The following ATP11A variants were observed in gnomAD, a reference collection of about 807,000 sequenced individuals.
The protein encoded by ATP11A is ATPase phospholipid transporting 11A, also known as phospholipid-transporting ATPase IH.
In ATP11A, 81 loss-of-function variants were observed where a neutral mutation model predicts 154.4. The ratio of observed to expected loss-of-function variants is 0.52; its 90% CI spans 0.44 to 0.63. The LOEUF (loss-of-function observed/expected upper bound fraction) is 0.63, where lower values mean the gene tolerates loss of function less well. Among genes scored for constraint, ATP11A ranks in the 30% least tolerant of loss-of-function variants. The probability of loss-of-function intolerance (pLI) is 0.00; values close to 1 mark genes in which losing one functional copy is unlikely to be tolerated. For missense variants in ATP11A, 1,316 were observed against 1,474.3 expected (o/e 0.89, Z 1.76); for synonymous variants, 623 against 585.9 (o/e 1.06, Z -0.91).
In ATP11A at chr13:112,883,122, C is replaced by CATCCCCACGTCCTCTCGT; in HGVS notation, c.*1256_*1257insATCCCCACGTCCTCTCGT. 1 of 3,546 alleles carries CATCCCCACGTCCTCTCGT rather than the reference C, an allele frequency of 2.8e-4. No homozygotes were observed. Among genetic ancestry groups the CATCCCCACGTCCTCTCGT allele is most frequent in the Non-Finnish European group, 1.4e-3 (1 of 692 alleles). 0.2% of individuals were successfully genotyped at this position (3,546 alleles called of 1,614,324 possible). ...ACCTCGTCCCCACGTCCCCTCGTCT[C>CATCCCCACGTCCTCTCGT]CTCATCCCCACGTCCTCTCGTCCCC... is the stretch of plus-strand genomic sequence containing the variant. On this transcript the variant is annotated 3_prime_UTR_variant, in exon 30 of 30. Transcript: ENST00000375645.
intron 11 of ATP11A, among the ~76,000 whole-genome samples, chr13:112,826,057 A>G (rs566966858): frequency 6.7e-6 from 1 of 150,356 alleles, no homozygotes; most frequent in Admixed American, 6.6e-5. Flanking sequence ...ACCCAGACCC[A>G]TATCCACTGA....
chr13:112,693,162 A>G (rs985936134), intron 1 of ATP11A, among the ~76,000 whole-genome samples: 2 of 152,232 alleles, frequency 1.3e-5, no homozygotes, highest in African/African-American at 4.8e-5. Context: ...AGGCCAGGGT[A>G]GCCAGGTACT....
At chr13:112,694,572 C>T (rs1419866052) in intron 1 of ATP11A, among the ~76,000 whole-genome samples, 1 of 152,194 alleles carries the variant, frequency 6.6e-6, no homozygotes, top group East Asian at 1.9e-4. Context: ...GCTTCCCTCC[C>T]TCTTCCCTTC....
At chr13:112,699,322 T>A (rs1039220352) in intron 1 of ATP11A, among the ~76,000 whole-genome samples, 2 of 152,246 alleles carry the variant, frequency 1.3e-5, no homozygotes, top group African/African-American at 4.8e-5. Context: ...GCAAAATGTT[T>A]CCCATTTTTC....
rs1285386216 is a variant in ATP11A at position 112,824,342 on chromosome 13, A to T, written c.791-2A>T. On this transcript the variant is annotated splice_acceptor_variant, in intron 9 of 29. Coordinates refer to ENST00000375645, the MANE Select transcript of ATP11A (RefSeq NM_015205.3). LOFTEE classifies it high-confidence loss of function. ...CATCACCCTTGCTCTTCCTCTCTGT[A>T]GGTGTGGCTATTTACACGGGAATGG... 1 of 1,612,744 alleles carries T rather than the reference A, an allele frequency of 6.2e-7. No homozygotes were observed. The highest frequency in any genetic ancestry group is 8.5e-7 in the Non-Finnish European group (1 of 1,178,724).
At chr13:112,856,956 AGACCTTCCAT>A (rs2079946125) in intron 20 of ATP11A, among the ~76,000 whole-genome samples, 1 of 152,252 alleles carries the variant, frequency 6.6e-6, no homozygotes, top group Non-Finnish European at 1.5e-5. Context: ...GAGCATTCAC[AGACCTTCCAT>A]GTGAGGAAGA....
chr13:112,772,699 C>T (rs1036613345), intron 1 of ATP11A, among the ~76,000 whole-genome samples: 1 of 152,160 alleles, frequency 6.6e-6, no homozygotes, highest in African/African-American at 2.4e-5. Flanking sequence ...TTCTGTTGCC[C>T]GCAGATTTGC....
intron 1 of ATP11A, among the ~76,000 whole-genome samples, chr13:112,715,898 T>G (rs74115451): frequency 1.1e-3 from 172 of 152,028 alleles, no homozygotes; most frequent in African/African-American, 3.6e-3. Flanking sequence ...CACCTTCTCC[T>G]TAGAAATCCG....
At chr13:112,724,631 C>T (rs932522767) in intron 1 of ATP11A, among the ~76,000 whole-genome samples, 42 of 152,092 alleles carry the variant, frequency 2.8e-4, no homozygotes, top group Admixed American at 2.7e-3. Flanking sequence ...CCCTTCTCCC[C>T]ACAGGTCAGA....
At chr13:112,777,543 G>A (rs1242585156) in intron 1 of ATP11A, among the ~76,000 whole-genome samples, 2 of 152,198 alleles carry the variant, frequency 1.3e-5, no homozygotes, top group African/African-American at 2.4e-5. Flanking sequence ...CAGCCTGGGG[G>A]ACAAGAGCAA....
At chr13:112,873,762 G>A in intron 27 of ATP11A, 86 bp downstream of exon 27, 24 of 1,354,288 alleles carry the variant, frequency 1.8e-5, no homozygotes, top group Non-Finnish European at 2.1e-5. Context: ...CATTTTCCGT[G>A]CGGCCCTGTT....
intron 1 of ATP11A, among the ~76,000 whole-genome samples, chr13:112,718,531 G>A (rs921205372): frequency 2.0e-5 from 3 of 152,208 alleles, no homozygotes; most frequent in Admixed American, 6.5e-5. Flanking sequence ...AGGTGTGTGC[G>A]GTGGGGATGG....
chr13:112,738,794 G>A (rs996932751), intron 1 of ATP11A, among the ~76,000 whole-genome samples: 1 of 151,132 alleles, frequency 6.6e-6, no homozygotes, highest in African/African-American at 2.4e-5. Context: ...TTCCCATAGA[G>A]GCTGTTTCTC....
At chr13:112,868,783 G>A (rs778688040) in intron 25 of ATP11A, among the ~76,000 whole-genome samples, 2 of 152,144 alleles carry the variant, frequency 1.3e-5, no homozygotes, top group Non-Finnish European at 2.9e-5. Context: ...GGTGATTTAG[G>A]AAGAAAAGAG....
chr13:112,726,282 CTG>C (rs1292856764), intron 1 of ATP11A, among the ~76,000 whole-genome samples: 2 of 143,868 alleles, frequency 1.4e-5, no homozygotes, highest in African/African-American at 2.6e-5. Flanking sequence ...AGGGCACAGT[CTG>C]TGTGCAGGGA....
chr13:112,694,359 G>C lies in ATP11A; in HGVS notation c.39+3904G>C, dbSNP rs530424573. On this transcript the variant is annotated intron_variant, in intron 1 of 29. Coordinates refer to ENST00000375645, the MANE Select transcript of ATP11A (RefSeq NM_015205.3). ...CCCTGGGTAGGGTTGGCTGGGGAGAGAGCAAACCTATGGGCTGCCAGTGCT... is the reference window on the plus strand; with the variant it reads ...CCCTGGGTAGGGTTGGCTGGGGAGACAGCAAACCTATGGGCTGCCAGTGCT... Among the ~76,000 whole-genome samples, 27 of 152,296 alleles carry C rather than the reference G, an allele frequency of 1.8e-4. No individual in the cohort carries two copies. The East Asian group carries it at 5.0e-3, about 28-fold the overall frequency.
chr13:112,734,934 G>A (rs1306669549), intron 1 of ATP11A, among the ~76,000 whole-genome samples: 2 of 152,218 alleles, frequency 1.3e-5, no homozygotes, highest in Non-Finnish European at 2.9e-5. Flanking sequence ...GGAGTGCCAG[G>A]AGACAGAGAA....
chr13:112,787,629 C>G (rs1326233990), intron 2 of ATP11A, among the ~76,000 whole-genome samples: 3 of 120,862 alleles, frequency 2.5e-5, no homozygotes, highest in African/African-American at 1.0e-4. Flanking sequence ...CTACTTAATT[C>G]ACACCAAGTG....
chr13:112,709,228 CT>C (rs1264436535), intron 1 of ATP11A, among the ~76,000 whole-genome samples: 1 of 152,218 alleles, frequency 6.6e-6, no homozygotes, highest in Non-Finnish European at 1.5e-5. Context: ...ATCATAAATT[CT>C]CATCAGATGG....
Sources: allele counts gnomAD v4.1 joint callset (sites outside exome capture counted in the v4.1 genomes callset), GRCh38; gene constraint gnomAD v4.1.1; transcripts MANE v1.5; gene names NCBI Gene and HGNC (gene_info 2026-07-23, HGNC 2026-07-21).